CELF2: variants seen among roughly 807,000 people sequenced by gnomAD.
CELF2 encodes the protein CUGBP Elav-like family member 2, also known as CUG triplet repeat RNA-binding protein 2.
A neutral mutation model predicts 62.6 loss-of-function variants in CELF2; 8 were observed. That is an observed-to-expected ratio of 0.13 (90% CI 0.07 to 0.23). The LOEUF (loss-of-function observed/expected upper bound fraction) is 0.23. CELF2 is among the 10% of genes least tolerant of loss of function. The probability of loss-of-function intolerance (pLI) is 1.00; values close to 1 mark genes in which losing one functional copy is unlikely to be tolerated. For missense variants in CELF2, 333 were observed against 671.0 expected, an observed-to-expected ratio of 0.50 and a Z score of 5.56; for synonymous variants, 258 against 250.0, an observed-to-expected ratio of 1.03 and a Z score of -0.30.
intron 7 of CELF2, 59 bp from the exon 8 acceptor site, chr10:11,274,998 A>G (rs1040913417): frequency 6.7e-7 from 1 of 1,493,880 alleles, no homozygotes; most frequent in African/African-American, 1.4e-5. Context: ...TCCCCAGTTT[A>G]ATGAGGGAGT....
intron 2 of CELF2, among the ~76,000 whole-genome samples, chr10:11,181,040 T>C (rs977148667): frequency 2.6e-5 from 4 of 152,144 alleles, no homozygotes; most frequent in African/African-American, 9.7e-5. Flanking sequence ...CTGCTAATTT[T>C]TGTGTTTTTA....
At chr10:11,222,087 C>T (rs139301058) in intron 3 of CELF2, among the ~76,000 whole-genome samples, 6 of 152,218 alleles carry the variant, frequency 3.9e-5, no homozygotes. Flanking sequence ...ACCTTCCTCC[C>T]AAGCAGGCTT....
chr10:11,197,033 G>GAAAGAAAGAAAGAA, intron 2 of CELF2, among the ~76,000 whole-genome samples: 1 of 21,868 alleles, frequency 4.6e-5, no homozygotes, highest in South Asian at 8.7e-4. Context: ...AGAAAAGAAA[G>GAAAGAAAGAAAGAA]AAAGAAAGAA....
rs1205802298 is a variant in CELF2, at chr10:11,127,998, G to T, written c.75-37488G>T. Among the ~76,000 whole-genome samples the T allele has an allele frequency of 2.0e-5, 3 of 152,156 alleles. No homozygotes were observed. The East Asian group carries it at 5.8e-4, about 29-fold the overall frequency. On this transcript the variant is annotated intron_variant, in intron 1 of 12. Transcript: ENST00000633077. ...TGTATTGCCTGGGTTTTCTTCTAGG[G>T]TTTTTATGGTTTTGGGTCTTACATT...
Position 11,058,460 on chromosome 10 carries a change from G to GTTTTTTT in CELF2, c.74+40297_74+40298insTTTTTTT, listed in dbSNP as rs1564557348. 3.6e-5 allele frequency among the ~76,000 whole-genome samples: 5 copies of GTTTTTTT among 138,924 alleles called. 1 individual carries two copies. The highest frequency in any genetic ancestry group is 2.7e-5 in the African/African-American group (1 of 37,146). 91.1% of individuals were successfully genotyped at this position (138,924 alleles called of 152,430 possible). A position where few individuals can be genotyped will look rare whatever the true frequency, so the allele number is the denominator to read the frequency against. On this transcript the variant is annotated intron_variant, in intron 1 of 12. Transcript: ENST00000633077. Reference sequence around the variant, plus strand: ...TGAGGTACTGTTGGTTTTTTTTGTTGGTTTTTTTTTTTTTTTTTTTTTTTG... The same window carrying GTTTTTTT: ...TGAGGTACTGTTGGTTTTTTTTGTTGTTTTTTTGTTTTTTTTTTTTTTTTTTTTTTTG...
intron 1 of CELF2, among the ~76,000 whole-genome samples, chr10:11,043,792 C>A (rs565998873): frequency 1.3e-5 from 2 of 152,290 alleles, no homozygotes; most frequent in South Asian, 4.1e-4. Context: ...ACTGGTCACC[C>A]GACCATCATC....
chr10:11,285,566 A>G lies in CELF2; in HGVS notation c.842-2852A>G, dbSNP rs2090942702. ...CAGCTCAGTTCCAGGACCTTTAGTG[A>G]ATGTCAGTGGGTGAGAGAAGGACTA... On this transcript the variant is annotated intron_variant, in intron 8 of 12. Coordinates refer to ENST00000633077, the MANE Select transcript of CELF2 (RefSeq NM_001326342.2). The surrounding 1 kb of genome is among the most constrained non-coding windows in gnomAD (Gnocchi z 4.3). 6.6e-6 allele frequency among the ~76,000 whole-genome samples: 1 copy of G among 152,178 alleles called. No individual in the cohort carries two copies. Among genetic ancestry groups the G allele is most frequent in the African/African-American group, 2.4e-5 (1 of 41,420 alleles).
Position 11,156,761 on chromosome 10 carries a change from G to GA in CELF2, c.75-8722dup, listed in dbSNP as rs2064513363. Among the ~76,000 whole-genome samples, 1 of 152,162 alleles carries GA rather than the reference G, an allele frequency of 6.6e-6. No homozygotes were observed. The highest frequency in any genetic ancestry group is 6.5e-5 in the Admixed American group (1 of 15,284). On this transcript the variant is annotated intron_variant, in intron 1 of 12. Transcript: ENST00000633077. This position sits in a 1 kb window ranked among gnomAD's most constrained non-coding sequence, Gnocchi z 4.3. ...TCTGAGGTTCCGCGGTCAGAGAAGG[G>GA]AAAGGCCAGAGCAAGCAGCCAGTCC...
chr10:11,257,479 C>T (rs1489057676), intron 4 of CELF2: 2 of 353,576 alleles, frequency 5.7e-6, no homozygotes, highest in Non-Finnish European at 1.1e-5. Flanking sequence ...AAGAACTTAA[C>T]AGCATTACAT....
chr10:10,625,390 T>A, the CELF2 span, among the ~76,000 whole-genome samples: 1 of 152,226 alleles, frequency 6.6e-6, no homozygotes, highest in Admixed American at 6.5e-5. Context: ...CAACCTTTTA[T>A]AACGTACTTT....
chr10:11,278,195 T>G (rs996263628), intron 8 of CELF2, among the ~76,000 whole-genome samples: 7 of 152,234 alleles, frequency 4.6e-5, no homozygotes, highest in African/African-American at 1.7e-4. Flanking sequence ...TATACTTCCT[T>G]TCCCAAAAAA....
chr10:10,527,849 A>C, the CELF2 span, among the ~76,000 whole-genome samples: 1 of 152,368 alleles, frequency 6.6e-6, no homozygotes, highest in South Asian at 2.1e-4. Flanking sequence ...CAATCCTAAG[A>C]GACTGACACT....
At chr10:10,573,638 C>A in the CELF2 span, among the ~76,000 whole-genome samples, 2 of 152,014 alleles carry the variant, frequency 1.3e-5, no homozygotes, top group African/African-American at 4.8e-5. Flanking sequence ...TTATTGATTA[C>A]AAATAAAATA....
At chr10:10,643,976 T>C in the CELF2 span, among the ~76,000 whole-genome samples, 1 of 152,208 alleles carries the variant, frequency 6.6e-6, no homozygotes, top group East Asian at 1.9e-4. Flanking sequence ...ATTTCTTGGA[T>C]GTTATCACAG....
the CELF2 span, among the ~76,000 whole-genome samples, chr10:10,743,218 G>T: frequency 2.0e-5 from 3 of 152,156 alleles, no homozygotes; most frequent in African/African-American, 7.2e-5. Context: ...ATCATACATG[G>T]ATGCTCACTA....
intron 1 of CELF2, among the ~76,000 whole-genome samples, chr10:10,916,635 CAG>C (rs2064353981): frequency 6.6e-6 from 1 of 152,130 alleles, no homozygotes; most frequent in Admixed American, 6.5e-5. Context: ...TGTTTTGAGA[CAG>C]AGTTTTGCTC....
At chr10:10,795,257 T>G (rs924161437), upstream of CELF2, among the ~76,000 whole-genome samples, 1 of 145,470 alleles carries the variant, frequency 6.9e-6, no homozygotes, top group Non-Finnish European at 1.5e-5. Context: ...TTTTTTTTTT[T>G]AACAGGGAAC....
At chr10:10,799,880 AG>A (rs759169661) in intron 1 of CELF2, among the ~76,000 whole-genome samples, 5 of 152,160 alleles carry the variant, frequency 3.3e-5, no homozygotes, top group Non-Finnish European at 7.4e-5. Flanking sequence ...TGTTCAATTG[AG>A]GGATTTTTGT....
chr10:10,482,040 A>G, the CELF2 span, among the ~76,000 whole-genome samples: 4 of 152,234 alleles, frequency 2.6e-5, no homozygotes, highest in East Asian at 1.9e-4. Context: ...TATAAGGGTT[A>G]GCATGATAGA....
Sources: allele counts gnomAD v4.1 joint callset (sites outside exome capture counted in the v4.1 genomes callset), GRCh38; gene constraint gnomAD v4.1.1; non-coding constraint Gnocchi (gnomAD v3.1); transcripts MANE v1.5; gene names NCBI Gene and HGNC (gene_info 2026-07-23, HGNC 2026-07-21).